MYBPC1: variants seen among roughly 807,000 people sequenced by gnomAD.
The protein encoded by MYBPC1 is myosin binding protein C1, also known as myosin-binding protein C, slow-type.
In MYBPC1, 52 loss-of-function variants were observed where a neutral mutation model predicts 147.1. The observed-to-expected ratio is 0.35, with a 90% CI of 0.28 to 0.45. The LOEUF (loss-of-function observed/expected upper bound fraction) is 0.45, where lower values mean the gene tolerates loss of function less well. Among genes scored for constraint, MYBPC1 ranks in the 20% least tolerant of loss-of-function variants. The pLI, the probability that MYBPC1 is intolerant of heterozygous loss-of-function variation, is 1.00. For missense variants in MYBPC1, 1,228 were observed against 1,440.3 expected (o/e 0.85, Z 2.39); for synonymous variants, 477 against 475.9 (o/e 1.00, Z -0.03).
intron 2 of MYBPC1, 30 bp from the exon 3 acceptor site, chr12:101,617,172 T>A (rs1204604903): frequency 6.2e-7 from 1 of 1,612,894 alleles, no homozygotes; most frequent in Non-Finnish European, 8.5e-7. Flanking sequence ...TTAAGGCACT[T>A]TAAAAAATAT....
intron 20 of MYBPC1, 96 bp from the exon 21 acceptor site, chr12:101,662,262 T>C: frequency 8.1e-7 from 1 of 1,230,566 alleles, no homozygotes. Flanking sequence ...CATAGATTGA[T>C]GACAAAATGC....
At chr12:101,667,291 T>C (rs1897675813) in intron 22 of MYBPC1, among the ~76,000 whole-genome samples, 1 of 54,812 alleles carries the variant, frequency 1.8e-5, no homozygotes, top group Non-Finnish European at 6.2e-5. Flanking sequence ...GATAAAAACA[T>C]ATATATGACT....
chr12:101,665,950 C>G (rs377751081), intron 22 of MYBPC1, among the ~76,000 whole-genome samples: 1 of 152,292 alleles, frequency 6.6e-6, no homozygotes, highest in East Asian at 1.9e-4. Context: ...TGTCCCTTCT[C>G]CTTGATACTC....
intron 20 of MYBPC1, among the ~76,000 whole-genome samples, chr12:101,662,006 T>G (rs1896666865): frequency 6.6e-6 from 1 of 151,980 alleles, no homozygotes; most frequent in African/African-American, 2.4e-5. Context: ...CTCACAAAAC[T>G]GGTCATTTCC....
intron 10 of MYBPC1, among the ~76,000 whole-genome samples, chr12:101,640,370 T>C (rs566263467): frequency 1.3e-5 from 2 of 152,282 alleles, no homozygotes; most frequent in East Asian, 3.9e-4. Flanking sequence ...ATTTAAAGGA[T>C]GTATTTGAAG....
chr12:101,631,797 A>C, intron 7 of MYBPC1, 78 bp downstream of exon 7: 1 of 1,593,982 alleles, frequency 6.3e-7, no homozygotes, highest in Non-Finnish European at 8.6e-7. Context: ...TTTCAGGTTC[A>C]GCTTTGAGAG....
At chr12:101,669,928 G>GAAAAAAAA (rs759220214) in intron 23 of MYBPC1, 83 of 177,636 alleles carry the variant, frequency 4.7e-4, no homozygotes, top group East Asian at 1.5e-3. Flanking sequence ...GAGACTCTCT[G>GAAAAAAAA]AAAAAAAAAA....
chr12:101,652,551 T>A, intron 16 of MYBPC1, 127 bp from the exon 17 acceptor site: 1 of 699,642 alleles, frequency 1.4e-6, no homozygotes, highest in Non-Finnish European at 2.6e-6. Context: ...TCTCTTTCTC[T>A]CTCTCTCTCC....
chr12:101,636,426 T>C (rs1337093792), intron 9 of MYBPC1, among the ~76,000 whole-genome samples: 1 of 152,224 alleles, frequency 6.6e-6, no homozygotes, highest in Non-Finnish European at 1.5e-5. Flanking sequence ...CAGTTTTATA[T>C]ATGCAATCTA....
At chr12:101,627,721 A>G in intron 4 of MYBPC1, 48 bp from the exon 5 acceptor site, 3 of 1,601,620 alleles carry the variant, frequency 1.9e-6, no homozygotes, top group Non-Finnish European at 2.6e-6. Flanking sequence ...CTCCATTTTC[A>G]TCCCCTTTCC....
At chr12:101,659,945 T>TTGCCTAGAGGACTTTTTTTTTTG (rs1555246230) in intron 19 of MYBPC1, 114 bp downstream of exon 19, 1 of 1,336,164 alleles carries the variant, frequency 7.5e-7, no homozygotes, top group African/African-American at 1.5e-5. Context: ...TTCCCTTATC[T>TTGCCTAGAGGACTTTTTTTTTTG]TCTTTTTTTT....
At chr12:101,650,320 G>A (rs747915732) in intron 15 of MYBPC1, among the ~76,000 whole-genome samples, 18 of 152,152 alleles carry the variant, frequency 1.2e-4, no homozygotes, top group Admixed American at 3.3e-4. Flanking sequence ...TTATTAGTCC[G>A]TTCTCATGCT....
At chr12:101,597,632 T>C (rs558050666) in intron 1 of MYBPC1, among the ~76,000 whole-genome samples, 2 of 152,338 alleles carry the variant, frequency 1.3e-5, no homozygotes, top group African/African-American at 4.8e-5. Context: ...GGTCCTTGTT[T>C]AGACTCTTGG....
At chr12:101,693,237 C>T in the MYBPC1 span, among the ~76,000 whole-genome samples, 3 of 151,574 alleles carry the variant, frequency 2.0e-5, no homozygotes, top group Admixed American at 6.6e-5. Flanking sequence ...TGAGCCACCG[C>T]GCCCAGCCTA....
At chr12:101,643,023 A>G (rs1737623404) in intron 11 of MYBPC1, among the ~76,000 whole-genome samples, 1 of 152,172 alleles carries the variant, frequency 6.6e-6, no homozygotes, top group South Asian at 2.1e-4. Context: ...TGGGGGTCTG[A>G]AATGGGTCCA....
At chr12:101,627,865 A>C in intron 5 of MYBPC1, 61 bp downstream of exon 5, 1,572 of 1,516,878 alleles carry the variant, frequency 1.0e-3, no homozygotes, top group Non-Finnish European at 1.3e-3. Flanking sequence ...TAATGAGCTC[A>C]TTTCTTGAAG....
Position 101,667,913 on chromosome 12 carries a change from C to T in MYBPC1, c.2524+14C>T, listed in dbSNP as rs1182030232. The stretch of plus-strand genomic sequence containing the variant: ...AGGAAATCATAGGTAGGAGACAAGG[C>T]TTTCAAAAGTTAGACTCCATTTTAC... On this transcript the variant is annotated intron_variant, in intron 23 of 31. Transcript: ENST00000361466. The T allele has an allele frequency of 6.2e-7, 1 of 1,612,638 alleles. No individual in the cohort carries two copies. Among genetic ancestry groups the T allele is most frequent in the East Asian group, 2.2e-5 (1 of 44,852 alleles).
intron 10 of MYBPC1, 136 bp downstream of exon 10, chr12:101,636,864 A>C: frequency 1.4e-6 from 1 of 723,246 alleles, no homozygotes; most frequent in Admixed American, 2.2e-5. Context: ...ATAGAATATA[A>C]CAGAGTTGAC....
intron 1 of MYBPC1, among the ~76,000 whole-genome samples, chr12:101,611,863 G>A (rs1365444429): frequency 1.3e-5 from 2 of 152,114 alleles, no homozygotes; most frequent in East Asian, 3.9e-4. Flanking sequence ...TGGATCACAA[G>A]GTCAAGAGAT....
Sources: gnomAD v4.1 joint callset for allele counts (sites outside exome capture counted in the v4.1 genomes callset) on GRCh38, gnomAD v4.1.1 for gene constraint, MANE v1.5 for transcripts, NCBI Gene and HGNC (gene_info 2026-07-23, HGNC 2026-07-21) for gene names.